SAMD3: variants seen among roughly 807,000 people sequenced by gnomAD.
SAMD3 encodes the protein sterile alpha motif domain-containing protein 3.
Under a neutral mutation model 58.5 loss-of-function variants are expected in SAMD3, and 63 were observed. The observed-to-expected ratio is 1.08, with a 90% CI of 0.88 to 1.33. The LOEUF is 1.33. Among genes scored for constraint, SAMD3 ranks in the 40% most tolerant of loss-of-function variants. The pLI is 0.00. For missense variants in SAMD3, 604 were observed against 608.4 expected, an observed-to-expected ratio of 0.99 and a Z score of 0.08; for synonymous variants, 220 against 210.3, an observed-to-expected ratio of 1.05 and a Z score of -0.40.
intron 8 of SAMD3, among the ~76,000 whole-genome samples, chr6:130,167,482 A>G (rs1790833632): frequency 6.6e-6 from 1 of 152,212 alleles, no homozygotes; most frequent in African/African-American, 2.4e-5. Context: ...ATAAAGTACA[A>G]TCTTACATTG....
chr6:130,204,401 C>T (rs1794897129), intron 5 of SAMD3, among the ~76,000 whole-genome samples: 1 of 152,090 alleles, frequency 6.6e-6, no homozygotes, highest in South Asian at 2.1e-4. Context: ...AGCACAGTAT[C>T]TTCATGACTA....
At chr6:130,317,714 G>A (rs1009046177) in intron 1 of SAMD3, among the ~76,000 whole-genome samples, 1 of 152,158 alleles carries the variant, frequency 6.6e-6, no homozygotes, top group Non-Finnish European at 1.5e-5. Flanking sequence ...GAAGCAACTG[G>A]AAAACTGGAA....
chr6:130,351,616 T>G (rs946584123), intron 1 of SAMD3, among the ~76,000 whole-genome samples: 1 of 152,200 alleles, frequency 6.6e-6, no homozygotes, highest in African/African-American at 2.4e-5. Context: ...GGAACACTTT[T>G]ACACTGTTGG....
intron 2 of SAMD3, among the ~76,000 whole-genome samples, chr6:130,304,130 G>A (rs62433903): frequency 0.17 from 25,657 of 152,006 alleles, 2,426 homozygotes; most frequent in East Asian, 0.36. Flanking sequence ...TACATATCCA[G>A]CTTTTTTCTT....
At chr6:130,222,630 G>A (rs995109412) in intron 1 of SAMD3, 64 bp downstream of exon 1, 5 of 152,268 alleles carry the variant, frequency 3.3e-5, no homozygotes, top group South Asian at 4.2e-4. Context: ...CTCAATGAAA[G>A]AATTTTATCT....
At chr6:130,364,295 G>A (rs188531127) in intron 1 of SAMD3, among the ~76,000 whole-genome samples, 4 of 151,762 alleles carry the variant, frequency 2.6e-5, no homozygotes, top group Admixed American at 1.3e-4. Context: ...TTTTGAGGAC[G>A]GCTCAGTCAC....
chr6:130,320,986 A>T (rs1004528064), intron 1 of SAMD3, among the ~76,000 whole-genome samples: 1 of 152,162 alleles, frequency 6.6e-6, no homozygotes, highest in Non-Finnish European at 1.5e-5. Flanking sequence ...TTCCCCAGAG[A>T]GTTTGCTCCT....
chr6:130,357,642 G>A (rs889177727), intron 1 of SAMD3, among the ~76,000 whole-genome samples: 1 of 152,266 alleles, frequency 6.6e-6, no homozygotes, highest in Non-Finnish European at 1.5e-5. Flanking sequence ...CTTAACATTC[G>A]TTTGCTGCTA....
intron 2 of SAMD3, among the ~76,000 whole-genome samples, chr6:130,260,210 A>T (rs1342951871): frequency 6.6e-6 from 1 of 152,224 alleles, no homozygotes; most frequent in Non-Finnish European, 1.5e-5. Flanking sequence ...CCCGGTGCCT[A>T]GGAACCAGAC....
At chr6:130,207,159 CAAA>C (rs376844642) in intron 5 of SAMD3, among the ~76,000 whole-genome samples, 1 of 52,700 alleles carries the variant, frequency 1.9e-5, no homozygotes. Context: ...CCCATCTCAT[CAAA>C]AAAAAAAAAA....
intron 1 of SAMD3, among the ~76,000 whole-genome samples, chr6:130,315,119 G>A (rs1453116331): frequency 1.7e-5 from 2 of 120,452 alleles, no homozygotes; most frequent in Non-Finnish European, 3.3e-5. Context: ...GATTTTCACA[G>A]CAATATTTTT....
chr6:130,267,850 T>C (rs1171684456), intron 2 of SAMD3, among the ~76,000 whole-genome samples: 1 of 152,204 alleles, frequency 6.6e-6, no homozygotes, highest in Non-Finnish European at 1.5e-5. Context: ...TGGAGCCCCA[T>C]AGAGTTGTGA....
chr6:130,220,879 A>G (rs1351220585), intron 1 of SAMD3, among the ~76,000 whole-genome samples: 1 of 151,632 alleles, frequency 6.6e-6, no homozygotes, highest in Non-Finnish European at 1.5e-5. Context: ...TTTTTTTGAC[A>G]GTCTCGCTCT....
At chr6:130,346,686 G>A (rs552161211) in intron 1 of SAMD3, among the ~76,000 whole-genome samples, 6 of 152,202 alleles carry the variant, frequency 3.9e-5, no homozygotes, top group Admixed American at 2.0e-4. Context: ...CAGCAGAAAC[G>A]TCTGCAGACT....
intron 8 of SAMD3, among the ~76,000 whole-genome samples, chr6:130,157,657 G>T (rs907719191): frequency 6.6e-6 from 1 of 152,074 alleles, no homozygotes; most frequent in Non-Finnish European, 1.5e-5. Context: ...AATTTTAAAA[G>T]AATAATCTTT....
intron 2 of SAMD3, among the ~76,000 whole-genome samples, chr6:130,312,510 C>G (rs1265350188): frequency 6.6e-6 from 1 of 152,184 alleles, no homozygotes; most frequent in East Asian, 1.9e-4. Flanking sequence ...CAGGGCCAAT[C>G]CAGTCTTTGA....
rs188532570 is a variant in SAMD3, at chr6:130,263,861, G to A, written c.-187-41048C>T. On this transcript the variant is annotated intron_variant, in intron 2 of 13. Transcript: ENST00000368134. ...GTGCCGACCAGGAGTCTTGCCCCCC[G>A]ATGTAGAGTTTTCATGCCATAGTTG... Among the ~76,000 whole-genome samples the A allele has an allele frequency of 1.4e-3, 207 of 152,212 alleles. 1 individual carries two copies. Among genetic ancestry groups the A allele is most frequent in the African/African-American group, 4.8e-3 (198 of 41,548 alleles).
chr6:130,175,650 G>T (rs1198495570), intron 8 of SAMD3, 191 bp downstream of exon 8: 1 of 424,646 alleles, frequency 2.4e-6, no homozygotes, highest in Non-Finnish European at 4.1e-6. Flanking sequence ...ATTGTTTTGG[G>T]AATTCTTTTC....
At chr6:130,219,002 G>T (rs980777030) in intron 1 of SAMD3, among the ~76,000 whole-genome samples, 6 of 152,162 alleles carry the variant, frequency 3.9e-5, no homozygotes, top group African/African-American at 1.4e-4. Flanking sequence ...GCTTTGGAAA[G>T]ATTATTTAGG....
Sources: allele counts gnomAD v4.1 joint callset (sites outside exome capture counted in the v4.1 genomes callset), GRCh38; gene constraint gnomAD v4.1.1; transcripts MANE v1.5; gene names NCBI Gene and HGNC (gene_info 2026-07-23, HGNC 2026-07-21).